The following SPO11 variants were observed in gnomAD, a reference collection of about 807,000 sequenced individuals.
SPO11 encodes the protein meiotic recombination protein SPO11.
A neutral mutation model predicts 51.6 loss-of-function variants in SPO11; 49 were observed. The ratio of observed to expected loss-of-function variants is 0.95; its 90% confidence interval spans 0.75 to 1.20. The LOEUF is 1.20. Among genes scored for constraint, SPO11 ranks in the 50% most tolerant of loss-of-function variants. The pLI is 0.00. For missense variants in SPO11, 431 were observed against 473.4 expected (o/e 0.91, Z 0.83); for synonymous variants, 176 against 158.2 (o/e 1.11, Z -0.84).
intron 11 of SPO11, 41 bp from the exon 12 acceptor site, chr20:57,342,688 A>C (rs1348090687): frequency 2.3e-6 from 3 of 1,317,522 alleles, no homozygotes; most frequent in Non-Finnish European, 3.3e-6. Flanking sequence ...CAAGTTACAG[A>C]AACACTTTTT....
At position 57,334,806 on chromosome 20, in the gene SPO11, C is replaced by G. The variant is rs781625229; in HGVS notation, c.567C>G (p.Gly189=). 6.2e-7 allele frequency: 1 copy of G among 1,613,814 alleles called. No homozygotes were observed. The highest frequency in any genetic ancestry group is 2.2e-5 in the East Asian group (1 of 44,836). ...AGNLRYIEED[G]TKVNCTCGAT... is the part of the protein sequence containing the mutation. Reference sequence around the variant, plus strand: ...ACTTAAGATACATCGAGGAAGATGGCACCAAAGTGAATTGTACCTGTGGTG... The same window carrying G: ...ACTTAAGATACATCGAGGAAGATGGGACCAAAGTGAATTGTACCTGTGGTG... Residue 189 remains glycine (G), a synonymous_variant, in exon 6 of 13, where the codon GGC becomes GGG. Coordinates refer to ENST00000371263, the MANE Select transcript of SPO11 (RefSeq NM_012444.3).
intron 2 of SPO11, 27 bp from the exon 3 acceptor site, chr20:57,333,161 T>A (rs2066469383): frequency 6.4e-7 from 1 of 1,563,250 alleles, no homozygotes; most frequent in African/African-American, 1.4e-5. Flanking sequence ...TTTTCACTTT[T>A]TTCCTTTGCT....
At chr20:57,342,995 A>C (rs757895847) in intron 12 of SPO11, among the ~76,000 whole-genome samples, 155 bp downstream of exon 12, 3 of 152,192 alleles carry the variant, frequency 2.0e-5, no homozygotes, top group Admixed American at 6.5e-5. Context: ...GTTGAAATTG[A>C]GTCATATGAA....
chr20:57,329,876 T>C lies in SPO11; in HGVS notation c.9T>C (p.Phe3=), dbSNP rs754403439. MA[F]APMGPEASFF... ...GGCAGCCGTCTGCCCTCATGGCCTT[T>C]GCACCTATGGGGCCCGAGGCCTCGT... Residue 3 remains phenylalanine, a synonymous_variant, in exon 1 of 13, where the codon TTT becomes TTC. Coordinates refer to ENST00000371263, the MANE Select transcript of SPO11 (RefSeq NM_012444.3). 5 of 1,613,482 alleles carry C rather than the reference T, an allele frequency of 3.1e-6. No individual in the cohort carries two copies. Among genetic ancestry groups the C allele is most frequent in the African/African-American group, 1.3e-5 (1 of 74,948 alleles).
At chr20:57,338,205 T>C in intron 8 of SPO11, 71 bp from the exon 9 acceptor site, 2 of 1,129,326 alleles carry the variant, frequency 1.8e-6, no homozygotes, top group Non-Finnish European at 2.6e-6. Context: ...TTTTAAATTA[T>C]TAATAAGAGT....
chr20:57,333,189 T>G lies in SPO11; in HGVS notation c.247T>G (p.Phe83Val). Residue 83 changes from phenylalanine (F) to valine (V), a missense_variant and splice_region_variant, in exon 3 of 13, where the codon TTT becomes GTT. Around this residue, in one of 3 missense-constraint regions of SPO11, gnomAD observed 405 missense variants for 425.9 expected, o/e 0.95. Coordinates refer to ENST00000371263, the MANE Select transcript of SPO11 (RefSeq NM_012444.3). ...CCTTTGCTTTAAACAAAATGACAGG[T>G]TTGAAGATTCTGTGGGTCTTCAGAT... is the stretch of plus-strand genomic sequence containing the variant. ...DNRSSWENIK[F>V]EDSVGLQMVS... is the part of the protein sequence containing the mutation. 6.3e-7 allele frequency: 1 copy of G among 1,599,234 alleles called. No individual in the cohort carries two copies.
intron 8 of SPO11, chr20:57,337,632 A>C: frequency 1.4e-6 from 1 of 690,086 alleles, no homozygotes; most frequent in Non-Finnish European, 2.2e-6. Context: ...TAGGATGTTT[A>C]TTATTTCTGT....
chr20:57,331,990 CATT>C (rs2066456074), intron 2 of SPO11, 44 bp downstream of exon 2: 9 of 1,138,208 alleles, frequency 7.9e-6, no homozygotes, highest in Non-Finnish European at 1.1e-5. Flanking sequence ...ATATCTATGT[CATT>C]ATTAAAATTA....
At chr20:57,335,534 C>T in intron 7 of SPO11, 79 bp downstream of exon 7, 1 of 1,422,588 alleles carries the variant, frequency 7.0e-7, no homozygotes, top group South Asian at 1.2e-5. Context: ...GCCAAGCCTT[C>T]ATAATGTGTA....
rs868405381 is a variant in SPO11 at position 57,333,914 on chromosome 20, A to G, written c.402-73A>G. ...TTTCATCCAGTTAAAGCTTTCTTCA[A>G]TTAACACTGTAATACTTGTCATATT... On this transcript the variant is annotated intron_variant, in intron 4 of 12. Transcript: ENST00000371263. 3.3e-4 allele frequency: 337 copies of G among 1,019,908 alleles called. 2 individuals are homozygous for G. The Middle Eastern group carries it at 3.6e-3, about 11-fold the overall frequency. 63.2% of individuals were successfully genotyped at this position (1,019,908 alleles called of 1,614,324 possible).
At chr20:57,336,867 G>A (rs1204493210) in intron 8 of SPO11, among the ~76,000 whole-genome samples, 1 of 152,122 alleles carries the variant, frequency 6.6e-6, no homozygotes, top group East Asian at 1.9e-4. Context: ...ACTTGTATAG[G>A]CTCTCAATGG....
intron 8 of SPO11, among the ~76,000 whole-genome samples, chr20:57,336,168 T>C (rs181383102): frequency 6.6e-6 from 1 of 152,174 alleles, no homozygotes; most frequent in African/African-American, 2.4e-5. Context: ...TAGAGCACTG[T>C]AACCTTGATA....
intron 8 of SPO11, among the ~76,000 whole-genome samples, chr20:57,336,405 A>G (rs1375509039): frequency 6.6e-6 from 1 of 152,002 alleles, no homozygotes; most frequent in Non-Finnish European, 1.5e-5. Context: ...TCATTCTTAC[A>G]CAAGACAACC....
Position 57,334,782 on chromosome 20 carries a change from C to G in SPO11, c.543C>G (p.Asn181Lys). The G allele has an allele frequency of 1.2e-6, 2 of 1,613,854 alleles. No individual in the cohort carries two copies. Residue 181 changes from asparagine (N) to lysine (K), a missense_variant, in exon 6 of 13, where the codon AAC becomes AAG. Physicochemically the swap from Asn to Lys is moderately conservative, Grantham distance 94. Coordinates refer to ENST00000371263, the MANE Select transcript of SPO11 (RefSeq NM_012444.3). ...LSTSKGLIAG[N>K]LRYIEEDGTK... The stretch of plus-strand genomic sequence containing the variant: ...CATCAAAAGGTTTAATTGCTGGCAA[C>G]TTAAGATACATCGAGGAAGATGGCA...
chr20:57,334,416 A>C (rs543794514), intron 5 of SPO11, among the ~76,000 whole-genome samples: 1 of 152,202 alleles, frequency 6.6e-6, no homozygotes, highest in South Asian at 2.1e-4. Context: ...GGCCTCCCAA[A>C]GTTCTAGGAT....
chr20:57,329,940 G>T lies in SPO11; in HGVS notation c.73G>T (p.Ala25Ser). ...GGACCGACACAGGGAGTCCCTGCTG[G>T]CTGCCCTGAGGAGAGGTGGCAGGGA... ...VLDRHRESLL[A>S]ALRRGGREPP... Residue 25 changes from alanine (A) to serine (S), a missense_variant, in exon 1 of 13, where the codon GCT becomes TCT. Ala to Ser is a moderately conservative substitution (Grantham distance 99, BLOSUM62 1). This residue lies in a region of SPO11 where 405 missense variants were observed against 425.9 expected (regional missense o/e 0.95). Coordinates refer to ENST00000371263, the MANE Select transcript of SPO11 (RefSeq NM_012444.3). 1 of 1,613,388 alleles carries T rather than the reference G, an allele frequency of 6.2e-7. No individual in the cohort carries two copies. Among genetic ancestry groups the T allele is most frequent in the Non-Finnish European group, 8.5e-7 (1 of 1,179,858 alleles).
chr20:57,337,163 A>G (rs2066522660), intron 8 of SPO11, among the ~76,000 whole-genome samples: 1 of 152,216 alleles, frequency 6.6e-6, no homozygotes, highest in East Asian at 1.9e-4. Flanking sequence ...GCCCATTCTG[A>G]ATCTCTAGGG....
intron 11 of SPO11, among the ~76,000 whole-genome samples, chr20:57,342,313 A>G (rs1261773982): frequency 1.3e-5 from 2 of 152,232 alleles, no homozygotes; most frequent in Non-Finnish European, 2.9e-5. Context: ...AGTGAATCTC[A>G]GCCGTTGGCC....
intron 10 of SPO11, 121 bp from the exon 11 acceptor site, chr20:57,339,981 G>A: frequency 1.5e-6 from 1 of 679,712 alleles, no homozygotes; most frequent in Admixed American, 2.2e-5. Flanking sequence ...GTGGGCTCTG[G>A]GCATGTGAAG....
Sources: allele counts gnomAD v4.1 joint callset (sites outside exome capture counted in the v4.1 genomes callset), GRCh38; gene constraint gnomAD v4.1.1; regional missense constraint gnomAD v4.1.1; transcripts MANE v1.5; gene names NCBI Gene and HGNC (gene_info 2026-07-23, HGNC 2026-07-21).